CCDC93: variants seen among roughly 807,000 people sequenced by gnomAD.
CCDC93 encodes the protein CCC complex scaffolding subunit CCDC93, also known as coiled-coil domain-containing protein 93.
CCDC93 carries 61 observed loss-of-function variants against 108.2 expected under a neutral mutation model. The observed-to-expected ratio is 0.56, with a 90% CI of 0.46 to 0.70. CCDC93 has a LOEUF of 0.70. Among genes scored for constraint, CCDC93 ranks in the 30% least tolerant of loss-of-function variants. The probability of loss-of-function intolerance (pLI) is 0.00; values close to 1 mark genes in which losing one functional copy is unlikely to be tolerated. For missense variants in CCDC93, 685 were observed against 764.2 expected (o/e 0.90, Z 1.22); for synonymous variants, 276 against 260.4 (o/e 1.06, Z -0.58).
intron 13 of CCDC93, chr2:117,951,075 T>A (rs1679040079): frequency 1.2e-6 from 1 of 830,810 alleles, no homozygotes; most frequent in Non-Finnish European, 1.3e-6. Flanking sequence ...AGCTCCTTTA[T>A]AAGTCACTTA....
chr2:117,955,875 G>C (rs188280357), intron 12 of CCDC93, among the ~76,000 whole-genome samples: 2 of 152,252 alleles, frequency 1.3e-5, no homozygotes, highest in Admixed American at 6.5e-5. Flanking sequence ...TTTTGCAAAG[G>C]CCTAAAAACA....
At chr2:117,971,904 C>T (rs986192553) in intron 11 of CCDC93, among the ~76,000 whole-genome samples, 1 of 152,202 alleles carries the variant, frequency 6.6e-6, no homozygotes, top group Non-Finnish European at 1.5e-5. Flanking sequence ...GCTATACTAC[C>T]TACCCAATGA....
intron 7 of CCDC93, among the ~76,000 whole-genome samples, chr2:117,984,340 C>CA (rs780836326): frequency 1.3e-5 from 2 of 152,216 alleles, no homozygotes; most frequent in Non-Finnish European, 2.9e-5. Context: ...TTCTCACTCT[C>CA]AGAGTTTGAG....
At chr2:117,993,492 T>C (rs1680551126) in intron 6 of CCDC93, among the ~76,000 whole-genome samples, 1 of 149,096 alleles carries the variant, frequency 6.7e-6, no homozygotes, top group Non-Finnish European at 1.5e-5. Flanking sequence ...GAATAGGTAA[T>C]GCACAGACTT....
intron 6 of CCDC93, among the ~76,000 whole-genome samples, chr2:117,995,241 T>C (rs966631775): frequency 1.7e-4 from 26 of 152,202 alleles, no homozygotes; most frequent in Non-Finnish European, 3.7e-4. Flanking sequence ...GACAGAACAG[T>C]AGTGTGGCAG....
At chr2:117,936,512 T>G in intron 21 of CCDC93, 190 bp downstream of exon 21, 1 of 588,940 alleles carries the variant, frequency 1.7e-6, no homozygotes. Flanking sequence ...ACTATCATTA[T>G]AGTTTTGCAG....
At position 117,973,935 on chromosome 2, in the gene CCDC93, C is replaced by CT; in HGVS notation, c.860dup (p.Gln288AlafsTer12). On this transcript the variant is annotated frameshift_variant, in exon 11 of 24. Coordinates refer to ENST00000376300, the MANE Select transcript of CCDC93 (RefSeq NM_019044.5). LOFTEE classifies it high-confidence loss of function. ...TCTCTGCATACTCGGACACAATCTGCTTGATCTCAGCAGAGCAGAGTCCCA... is the reference window on the plus strand; with the variant it reads ...TCTCTGCATACTCGGACACAATCTGCTTTGATCTCAGCAGAGCAGAGTCCCA... 1 of 1,612,414 alleles carries CT rather than the reference C, an allele frequency of 6.2e-7. No individual in the cohort carries two copies.
Position 117,920,293 on chromosome 2 carries a change from T to C in CCDC93, c.*50A>G, listed in dbSNP as rs778154879. 18 of 1,288,858 alleles carry C rather than the reference T, an allele frequency of 1.4e-5. No individual in the cohort carries two copies. The highest frequency in any genetic ancestry group is 2.0e-5 in the Non-Finnish European group (18 of 887,530). The allele number at this position is 1,288,858 out of a possible 1,614,324, so 79.8% of individuals were successfully genotyped here. The stretch of plus-strand genomic sequence containing the variant: ...CCATTTCATGATCTTGTAGGTGATA[T>C]ACGGTGCTTAAAAGTAAAATCAATG... On this transcript the variant is annotated 3_prime_UTR_variant, in exon 24 of 24. Transcript: ENST00000376300.
In CCDC93 at chr2:117,995,430, C is replaced by CGTAT; in HGVS notation, c.519+15_519+16insATAC. The CGTAT allele has an allele frequency of 6.3e-7, 1 of 1,596,950 alleles. No individual in the cohort carries two copies. The highest frequency in any genetic ancestry group is 8.6e-7 in the Non-Finnish European group (1 of 1,164,590). On this transcript the variant is annotated intron_variant, in intron 6 of 23. Transcript: ENST00000376300. ...TACGCAGGACTCTGACAGAAGAATA[C>CGTAT]GGCCAGGGGACTTACTGAGAGGTCC...
At chr2:117,999,444 C>G (rs1388154321) in intron 4 of CCDC93, 5 of 152,288 alleles carry the variant, frequency 3.3e-5, no homozygotes, top group African/African-American at 9.6e-5. Context: ...TCACTTTCCT[C>G]AAATGTAAGG....
intron 4 of CCDC93, chr2:117,997,227 A>T (rs750111955): frequency 6.6e-6 from 1 of 152,170 alleles, no homozygotes; most frequent in African/African-American, 2.4e-5. Context: ...CCTGCAGAAG[A>T]TCCACCTGCA....
intron 8 of CCDC93, among the ~76,000 whole-genome samples, chr2:117,976,749 T>C (rs938503790): frequency 6.6e-6 from 1 of 152,090 alleles, no homozygotes; most frequent in African/African-American, 2.4e-5. Context: ...AGTCTGGCTT[T>C]AGAACAGTGC....
intron 7 of CCDC93, chr2:117,985,568 C>T (rs1478139580): frequency 5.4e-6 from 1 of 186,532 alleles, no homozygotes; most frequent in Non-Finnish European, 1.0e-5. Flanking sequence ...AGTGACAAAA[C>T]TACTTCTAAG....
rs34095554 is a variant in CCDC93, at chr2:117,978,014, G to A, written c.637C>T (p.Arg213Cys). 20,624 of 1,612,988 alleles carry A rather than the reference G, an allele frequency of 0.013. 160 individuals carry two copies. The highest frequency in any genetic ancestry group is 0.02 in the Middle Eastern group (119 of 6,058). Residue 213 changes from arginine (R) to cysteine (C), a missense_variant, in exon 8 of 24, where the codon CGC becomes TGC. Transcript: ENST00000376300. ...CTTACCTTCTCCATTTTGCTCTGGC[G>A]GCTAAATCCATATCTCCTGCAGGCC... Reference protein sequence around the residue: ...LEYGRRYGFSRQSKMEKAEDK... With the variant: ...LEYGRRYGFSCQSKMEKAEDK...
At chr2:117,974,716 A>G in intron 10 of CCDC93, 134 bp downstream of exon 10, 1 of 657,624 alleles carries the variant, frequency 1.5e-6, no homozygotes. Flanking sequence ...AACAAAAGGA[A>G]CTCCCTGGGG....
chr2:117,938,349 A>T (rs1239294144), intron 20 of CCDC93, among the ~76,000 whole-genome samples: 8 of 152,176 alleles, frequency 5.3e-5, no homozygotes, highest in Admixed American at 5.2e-4. Flanking sequence ...ACTGTGCTCC[A>T]ACCGTTTGTC....
At chr2:117,961,086 C>T (rs544192314) in intron 11 of CCDC93, among the ~76,000 whole-genome samples, 1 of 152,002 alleles carries the variant, frequency 6.6e-6, no homozygotes, top group African/African-American at 2.4e-5. Context: ...CACTTGGTAA[C>T]CCACCCATGG....
At chr2:117,944,647 GC>G in intron 17 of CCDC93, 1 of 455,160 alleles carries the variant, frequency 2.2e-6, no homozygotes. Flanking sequence ...ATGGTTTGTC[GC>G]CTCAGAGAAA....
chr2:117,983,623 C>T (rs1443793632), intron 7 of CCDC93, among the ~76,000 whole-genome samples: 3 of 118,832 alleles, frequency 2.5e-5, no homozygotes, highest in Non-Finnish European at 5.4e-5. Context: ...GAACAAACTG[C>T]TCAAAATTAT....
Sources: allele counts gnomAD v4.1 joint callset (sites outside exome capture counted in the v4.1 genomes callset), GRCh38; gene constraint gnomAD v4.1.1; transcripts MANE v1.5; gene names NCBI Gene and HGNC (gene_info 2026-07-23, HGNC 2026-07-21).